The following IKBKE variants were observed in gnomAD, a reference collection of about 807,000 sequenced individuals.
IKBKE encodes inhibitor of nuclear factor kappa B kinase subunit epsilon.
A neutral mutation model predicts 92.1 loss-of-function variants in IKBKE; 45 were observed. The ratio of observed to expected loss-of-function variants is 0.49; its 90% CI spans 0.38 to 0.63. The LOEUF is 0.63. Ranked by LOEUF, IKBKE falls within the 20% of genes least tolerant of loss-of-function variation. The pLI is 0.00. For missense variants in IKBKE, 700 were observed against 932.8 expected, an observed-to-expected ratio of 0.75 and a Z score of 3.25; for synonymous variants, 374 against 380.3, an observed-to-expected ratio of 0.98 and a Z score of 0.19.
At chr1:206,486,616 T>G (rs1424079304) in intron 15 of IKBKE, among the ~76,000 whole-genome samples, 2 of 150,374 alleles carry the variant, frequency 1.3e-5, no homozygotes, top group Non-Finnish European at 3.0e-5. Context: ...GGATGAAGGC[T>G]GAGGATCGAG....
intron 12 of IKBKE, among the ~76,000 whole-genome samples, 166 bp from the exon 13 acceptor site, chr1:206,480,281 G>A (rs539010174): frequency 5.3e-5 from 7 of 132,308 alleles, no homozygotes; most frequent in East Asian, 2.3e-4. Flanking sequence ...AGGGGGAGGC[G>A]GGCTGGAGGG....
rs201662782 is a variant in IKBKE at position 206,475,003 on chromosome 1, C to T, written c.358+9C>T. ...GGTGCTGCGCTGTGTGGGTGAGCCCCTCCCTGTCCCTGCCTCCACCCTCAG... is the reference window on the plus strand; with the variant it reads ...GGTGCTGCGCTGTGTGGGTGAGCCCTTCCCTGTCCCTGCCTCCACCCTCAG... On this transcript the variant is annotated intron_variant, in intron 5 of 21. Coordinates refer to ENST00000581977, the MANE Select transcript of IKBKE (RefSeq NM_014002.4). 657 of 1,613,566 alleles carry T rather than the reference C, an allele frequency of 4.1e-4. 7 individuals carry two copies. In the South Asian group the frequency reaches 5.0e-3, roughly 12 times the overall value.
At chr1:206,482,596 C>G (rs141827667) in intron 13 of IKBKE, among the ~76,000 whole-genome samples, 20 of 152,200 alleles carry the variant, frequency 1.3e-4, no homozygotes, top group Non-Finnish European at 1.9e-4. Context: ...ATTTCAGCCT[C>G]CCATCAAGGA....
chr1:206,477,195 C>A (rs1446609952), intron 7 of IKBKE, among the ~76,000 whole-genome samples: 1 of 152,166 alleles, frequency 6.6e-6, no homozygotes, highest in Admixed American at 6.5e-5. Flanking sequence ...GGTCCAAGGT[C>A]TTTCCATGGT....
intron 3 of IKBKE, 33 bp from the exon 4 acceptor site, chr1:206,474,298 T>C: frequency 6.3e-7 from 1 of 1,595,530 alleles, no homozygotes; most frequent in Non-Finnish European, 8.6e-7. Context: ...GCTAATCCCA[T>C]GCTGTCTCCC....
intron 19 of IKBKE, 63 bp downstream of exon 19, chr1:206,493,182 G>A (rs1666042332): frequency 6.4e-7 from 1 of 1,557,078 alleles, no homozygotes; most frequent in Admixed American, 1.7e-5. Flanking sequence ...TGTTACCCAT[G>A]TCTTCCCCTC....
intron 13 of IKBKE, among the ~76,000 whole-genome samples, chr1:206,484,466 G>A (rs1365168737): frequency 3.3e-5 from 5 of 152,128 alleles, no homozygotes; most frequent in Admixed American, 1.3e-4. Flanking sequence ...GTGTGACCTT[G>A]TCACCGTGCA....
rs576623992 is a variant in IKBKE at position 206,479,784 on chromosome 1, G to A, written c.1184-86G>A. 17 of 1,361,258 alleles carry A rather than the reference G, an allele frequency of 1.2e-5. No homozygotes were observed. The South Asian group carries it at 1.4e-4, about 11-fold the overall frequency. 84.3% of individuals were successfully genotyped at this position (1,361,258 alleles called of 1,614,324 possible). On this transcript the variant is annotated intron_variant, in intron 10 of 21. Coordinates refer to ENST00000581977, the MANE Select transcript of IKBKE (RefSeq NM_014002.4). ...GCCTGAGGTGGGAGATTGGCAGTGA[G>A]GGGTGAGTGTGAGCTGGAAATAATG...
At chr1:206,486,287 C>T (rs937366732) in intron 15 of IKBKE, among the ~76,000 whole-genome samples, 12 of 150,824 alleles carry the variant, frequency 8.0e-5, no homozygotes, top group Admixed American at 4.6e-4. Flanking sequence ...CATTTGGCCC[C>T]GTCCTTTTGG....
intron 2 of IKBKE, among the ~76,000 whole-genome samples, 177 bp downstream of exon 2, chr1:206,471,422 G>T (rs1009905024): frequency 3.9e-5 from 6 of 152,186 alleles, no homozygotes; most frequent in African/African-American, 1.2e-4. Flanking sequence ...TGCAGAGCGT[G>T]CAGAGTTAAG....
chr1:206,476,952 C>T lies in IKBKE; in HGVS notation c.701+114C>T. 8.7e-7 allele frequency: 1 copy of T among 1,148,708 alleles called. No homozygotes were observed. The highest frequency in any genetic ancestry group is 1.2e-6 in the Non-Finnish European group (1 of 803,068). 71.2% of individuals were successfully genotyped at this position (1,148,708 alleles called of 1,614,324 possible). On this transcript the variant is annotated intron_variant, in intron 7 of 21. Transcript: ENST00000581977. This position sits in a 1 kb window ranked among gnomAD's most constrained non-coding sequence, Gnocchi z 5.1. ...TCACACTCCATGGCCCTCCTCTGGTCCACCCCCCAACCCAGGCTCTTTGTA... is the reference window on the plus strand; with the variant it reads ...TCACACTCCATGGCCCTCCTCTGGTTCACCCCCCAACCCAGGCTCTTTGTA...
At chr1:206,488,070 C>A in intron 16 of IKBKE, 80 bp downstream of exon 16, 1 of 1,068,446 alleles carries the variant, frequency 9.4e-7, no homozygotes, top group Non-Finnish European at 1.4e-6. Context: ...ACTGGTGCTA[C>A]CAGTGGCCAC....
In IKBKE at chr1:206,485,073, G is replaced by C; in HGVS notation, c.1503+1G>C. On this transcript the variant is annotated splice_donor_variant, in intron 14 of 21. Coordinates refer to ENST00000581977, the MANE Select transcript of IKBKE (RefSeq NM_014002.4). LOFTEE classifies it high-confidence loss of function. This position sits in a 1 kb window ranked among gnomAD's most constrained non-coding sequence, Gnocchi z 5.0. The stretch of plus-strand genomic sequence containing the variant: ...AGAACTGAGGTCCAGGCTGCGGACT[G>C]TGAGTGAGGCTGGAGGGCAAGGGCT... 1 of 1,613,500 alleles carries C rather than the reference G, an allele frequency of 6.2e-7. No homozygotes were observed. The highest frequency in any genetic ancestry group is 8.5e-7 in the Non-Finnish European group (1 of 1,179,386).
intron 21 of IKBKE, among the ~76,000 whole-genome samples, chr1:206,495,067 T>C (rs200869501): frequency 1.4e-5 from 2 of 147,290 alleles, no homozygotes; most frequent in East Asian, 4.1e-4. Flanking sequence ...AGAGATAACC[T>C]CAGGATAAAG....
At chr1:206,493,845 T>G (rs1572270563) in intron 20 of IKBKE, 75 bp from the exon 21 acceptor site, 3 of 1,116,648 alleles carry the variant, frequency 2.7e-6, no homozygotes, top group Non-Finnish European at 1.3e-6. Context: ...CAGAGGAGGG[T>G]GGGCCTCCCA....
intron 2 of IKBKE, chr1:206,472,911 A>T: frequency 2.6e-6 from 1 of 390,894 alleles, no homozygotes. Flanking sequence ...GACCTGCCTC[A>T]GGAGGGGCTT....
chr1:206,489,367 GTGTATATATATATA>G (rs1375227259), intron 16 of IKBKE, among the ~76,000 whole-genome samples: 15 of 51,396 alleles, frequency 2.9e-4, no homozygotes, highest in South Asian at 4.8e-4. Flanking sequence ...GTGTGTGTGT[GTGTATATATATATA>G]TATATATATA....
Position 206,479,042 on chromosome 1 carries a change from C to T in IKBKE, c.1092C>T (p.Ser364=), listed in dbSNP as rs1330472667. The T allele has an allele frequency of 7.4e-6, 12 of 1,614,056 alleles. No homozygotes were observed. Among genetic ancestry groups the T allele is most frequent in the South Asian group, 1.1e-5 (1 of 91,076 alleles). ...GTCACCTCTGTGTCCTCGAGCCCAGCGTCTCAGCACAGCACATCGCCCACA... is the reference window on the plus strand; with the variant it reads ...GTCACCTCTGTGTCCTCGAGCCCAGTGTCTCAGCACAGCACATCGCCCACA... ...FEGHLCVLEP[S]VSAQHIAHTT... is the part of the protein sequence containing the mutation. Residue 364 remains serine (S), a synonymous_variant, in exon 10 of 22, where the codon AGC becomes AGT. Transcript: ENST00000581977.
chr1:206,485,772 C>T lies in IKBKE; in HGVS notation c.1616+466C>T, dbSNP rs185770781. Among the ~76,000 whole-genome samples, 373 of 152,334 alleles carry T rather than the reference C, an allele frequency of 2.4e-3. 1 individual carries two copies. The highest frequency in any genetic ancestry group is 8.5e-3 in the African/African-American group (353 of 41,566). On this transcript the variant is annotated intron_variant, in intron 15 of 21. Coordinates refer to ENST00000581977, the MANE Select transcript of IKBKE (RefSeq NM_014002.4). This position sits in a 1 kb window ranked among gnomAD's most constrained non-coding sequence, Gnocchi z 5.0. ...ACAAATGACAGAGGTGGCTTCAGGTCGGGTCTGTCCACCTCCAAAGCCTAT... is the reference window on the plus strand; with the variant it reads ...ACAAATGACAGAGGTGGCTTCAGGTTGGGTCTGTCCACCTCCAAAGCCTAT...
Sources: gnomAD v4.1 joint callset for allele counts (sites outside exome capture counted in the v4.1 genomes callset) on GRCh38, gnomAD v4.1.1 for gene constraint, Gnocchi (gnomAD v3.1) non-coding constraint, MANE v1.5 for transcripts, NCBI Gene and HGNC (gene_info 2026-07-23, HGNC 2026-07-21) for gene names.